Variants in CHRND observed in about 807,000 individuals in gnomAD.
The protein encoded by CHRND is acetylcholine receptor subunit delta.
Under a neutral mutation model 57.8 loss-of-function variants are expected in CHRND, and 40 were observed. The observed-to-expected ratio is 0.69, with a 90% CI of 0.54 to 0.90. CHRND has a LOEUF of 0.90. CHRND is among the 40% of genes least tolerant of loss of function. The pLI is 0.00. For synonymous variants in CHRND, 237 were observed against 270.6 expected (o/e 0.88, Z 1.22); for missense variants, 634 against 673.9 (o/e 0.94, Z 0.66).
At chr2:232,533,226 G>T (rs1691770828) in intron 9 of CHRND, among the ~76,000 whole-genome samples, 1 of 152,122 alleles carries the variant, frequency 6.6e-6, no homozygotes, top group African/African-American at 2.4e-5. Flanking sequence ...CACCACGTTG[G>T]CCATGCTGGT....
intron 9 of CHRND, among the ~76,000 whole-genome samples, chr2:232,533,533 G>C (rs1691780309): frequency 6.6e-6 from 1 of 152,186 alleles, no homozygotes; most frequent in African/African-American, 2.4e-5. Context: ...CTTTGTGGCA[G>C]CCAGGAATGA....
chr2:232,532,393 G>T (rs535338553), intron 9 of CHRND, among the ~76,000 whole-genome samples: 1 of 148,998 alleles, frequency 6.7e-6, no homozygotes, highest in East Asian at 2.0e-4. Context: ...GCTTGAACTC[G>T]GGAGGTGGAG....
rs1042843148 is a variant in CHRND, at chr2:232,535,954, G to A, written c.*642G>A. Reference sequence around the variant, plus strand: ...ACACACAATCCTAGAGGACCAGAACGCAGCACCTCTCCCCAAAGGGTCCCT... The same window carrying A: ...ACACACAATCCTAGAGGACCAGAACACAGCACCTCTCCCCAAAGGGTCCCT... On this transcript the variant is annotated 3_prime_UTR_variant, in exon 12 of 12. Coordinates refer to ENST00000258385, the MANE Select transcript of CHRND (RefSeq NM_000751.3). 9 of 454,128 alleles carry A rather than the reference G, an allele frequency of 2.0e-5. No individual in the cohort carries two copies. The highest frequency in any genetic ancestry group is 9.3e-5 in the South Asian group (6 of 64,482). The allele number at this position is 454,128 out of a possible 1,614,324, so 28.1% of individuals were successfully genotyped here. A position where few individuals can be genotyped will look rare whatever the true frequency, so the allele number is the denominator to read the frequency against.
intron 7 of CHRND, among the ~76,000 whole-genome samples, chr2:232,530,357 A>C (rs748830488): frequency 6.6e-6 from 1 of 152,146 alleles, no homozygotes; most frequent in Non-Finnish European, 1.5e-5. Context: ...GGGCATCTCC[A>C]AGATGCTACT....
chr2:232,535,726 C>A lies in CHRND; in HGVS notation c.*414C>A, dbSNP rs538701613. The A allele has an allele frequency of 8.7e-6, 4 of 459,740 alleles. No individual in the cohort carries two copies. The highest frequency in any genetic ancestry group is 6.2e-5 in the South Asian group (4 of 64,512). The allele number at this position is 459,740 out of a possible 1,614,324, so 28.5% of individuals were successfully genotyped here. Reference sequence around the variant, plus strand: ...CTCTGGCCCCTCCAGCCTCCCTCTTCCTACCTACCCTTCAACCTCAGGCTT... The same window carrying A: ...CTCTGGCCCCTCCAGCCTCCCTCTTACTACCTACCCTTCAACCTCAGGCTT... On this transcript the variant is annotated 3_prime_UTR_variant, in exon 12 of 12. Transcript: ENST00000258385.
chr2:232,530,258 T>G, intron 7 of CHRND, 119 bp downstream of exon 7: 1 of 1,070,836 alleles, frequency 9.3e-7, no homozygotes, highest in South Asian at 1.3e-5. Flanking sequence ...TTCCTGGAGC[T>G]CCCTGCCTGG....
intron 5 of CHRND, 59 bp from the exon 6 acceptor site, chr2:232,528,803 C>T: frequency 2.5e-6 from 4 of 1,577,378 alleles, no homozygotes; most frequent in Non-Finnish European, 3.5e-6. Flanking sequence ...CCAGCCCTTC[C>T]CCACTCTGTG....
rs1029592483 is a variant in CHRND, at chr2:232,528,282, G to C, written c.264G>C (p.Leu88=). 1 of 1,614,058 alleles carries C rather than the reference G, an allele frequency of 6.2e-7. No homozygotes were observed. The highest frequency in any genetic ancestry group is 8.5e-7 in the Non-Finnish European group (1 of 1,180,044). The change falls in exon 4 of 12, where the codon CTG becomes CTC. Residue 88 remains leucine (L), a synonymous_variant. Transcript: ENST00000258385. ...TCCAGGGCTGGACAGACAACCGGCT[G>C]AAGTGGAATGCTGAAGAATTTGGAA... ...WIEHGWTDNR[L]KWNAEEFGNI...
intron 3 of CHRND, among the ~76,000 whole-genome samples, chr2:232,527,693 G>A (rs537078805): frequency 2.2e-4 from 33 of 152,136 alleles, no homozygotes; most frequent in Admixed American, 7.8e-4. Flanking sequence ...GCAGTGAGCC[G>A]AGATTGCGCC....
rs1211449256 is a variant in CHRND, at chr2:232,526,179, A to C, written c.-37A>C. 6.4e-7 allele frequency: 1 copy of C among 1,557,520 alleles called. No individual in the cohort carries two copies. The highest frequency in any genetic ancestry group is 1.7e-5 in the Admixed American group (1 of 59,348). On this transcript the variant is annotated 5_prime_UTR_variant, in exon 1 of 12. Transcript: ENST00000258385. ...ACCCTCATTCCACAGCCCTGTAGAC[A>C]GGAGGGGCAGATGCACGTCCCAGTC...
chr2:232,533,801 C>T (rs1013409276), intron 9 of CHRND, 130 bp from the exon 10 acceptor site: 29 of 925,184 alleles, frequency 3.1e-5, no homozygotes, highest in Non-Finnish European at 4.9e-5. Context: ...CACTTGAACC[C>T]GAGAGGTGGA....
intron 1 of CHRND, 32 bp downstream of exon 1, chr2:232,526,299 C>T (rs751643298): frequency 2.5e-6 from 4 of 1,604,672 alleles, no homozygotes; most frequent in Admixed American, 1.7e-5. Flanking sequence ...ACCCTGGGGT[C>T]CCCCGTGATG....
Position 232,526,211 on chromosome 2 carries a change from A to G in CHRND, c.-5A>G, listed in dbSNP as rs1174782499. 1 of 1,576,380 alleles carries G rather than the reference A, an allele frequency of 6.3e-7. No homozygotes were observed. The highest frequency in any genetic ancestry group is 8.6e-7 in the Non-Finnish European group (1 of 1,157,122). On this transcript the variant is annotated 5_prime_UTR_variant, in exon 1 of 12. It removes an upstream start codon present in the reference 5' UTR. Coordinates refer to ENST00000258385, the MANE Select transcript of CHRND (RefSeq NM_000751.3). ...GCAGATGCACGTCCCAGTCAGAGGGATGGGATGGAGGGGCCAGTGCTGACA... is the reference window on the plus strand; with the variant it reads ...GCAGATGCACGTCCCAGTCAGAGGGGTGGGATGGAGGGGCCAGTGCTGACA...
chr2:232,528,837 ACT>A (rs1359488947), intron 5 of CHRND, 23 bp from the exon 6 acceptor site: 3 of 1,601,308 alleles, frequency 1.9e-6, no homozygotes, highest in Middle Eastern at 1.7e-4. Context: ...GCCGAGTGTC[ACT>A]CTCTGCCCAT....
In CHRND at chr2:232,528,765, C is replaced by T. The variant is rs561742213; in HGVS notation, c.510-97C>T. The stretch of plus-strand genomic sequence containing the variant: ...GGCCCCTGCCCTGTCTGGATTAGTG[C>T]TGCCCTCCCCACAATGGTCCTCCCT... On this transcript the variant is annotated intron_variant, in intron 5 of 11. Coordinates refer to ENST00000258385, the MANE Select transcript of CHRND (RefSeq NM_000751.3). The T allele has an allele frequency of 2.9e-5, 46 of 1,580,016 alleles. No individual in the cohort carries two copies. The South Asian group carries it at 4.5e-4, about 16-fold the overall frequency.
At chr2:232,534,714 T>C (rs1408373574) in intron 11 of CHRND, among the ~76,000 whole-genome samples, 1 of 152,226 alleles carries the variant, frequency 6.6e-6, no homozygotes, top group Non-Finnish European at 1.5e-5. Flanking sequence ...TTCAACATTA[T>C]ACAACTTCTA....
chr2:232,526,807 G>A, intron 2 of CHRND, 133 bp downstream of exon 2: 1 of 927,380 alleles, frequency 1.1e-6, no homozygotes, highest in Non-Finnish European at 1.7e-6. Context: ...TGCTGCGGCT[G>A]CTCTGTGCCC....
intron 9 of CHRND, among the ~76,000 whole-genome samples, chr2:232,531,912 A>T (rs931036441): frequency 1.5e-5 from 2 of 136,406 alleles, no homozygotes; most frequent in Admixed American, 1.6e-4. Flanking sequence ...GCGCCAGGGC[A>T]CTCCAGCCTG....
intron 3 of CHRND, among the ~76,000 whole-genome samples, 177 bp downstream of exon 3, chr2:232,527,622 T>C (rs565545851): frequency 6.6e-6 from 1 of 152,244 alleles, no homozygotes; most frequent in South Asian, 2.1e-4. Context: ...TGGGTACCTG[T>C]AGTCCCAGCT....
Sources: allele counts gnomAD v4.1 joint callset (sites outside exome capture counted in the v4.1 genomes callset), GRCh38; gene constraint gnomAD v4.1.1; transcripts MANE v1.5; gene names NCBI Gene and HGNC (gene_info 2026-07-23, HGNC 2026-07-21).